Variants in DSCAM observed in about 807,000 individuals in gnomAD.
DSCAM encodes the protein DS cell adhesion molecule.
DSCAM carries 47 observed loss-of-function variants against 217.7 expected under a neutral mutation model. The observed-to-expected ratio is 0.22, with a 90% CI of 0.17 to 0.28. The LOEUF (loss-of-function observed/expected upper bound fraction) is 0.28, where lower values mean the gene tolerates loss of function less well. Among genes scored for constraint, DSCAM ranks in the 10% least tolerant of loss-of-function variants. The pLI, the probability that DSCAM is intolerant of heterozygous loss-of-function variation, is 1.00. For missense variants in DSCAM, 2,080 were observed against 2,618.3 expected (o/e 0.79, Z 4.49); for synonymous variants, 1,056 against 1,015.3 (o/e 1.04, Z -0.76).
At chr21:40,108,303 CT>C (rs1470787314) in intron 20 of DSCAM, among the ~76,000 whole-genome samples, 1 of 152,154 alleles carries the variant, frequency 6.6e-6, no homozygotes, top group African/African-American at 2.4e-5. Flanking sequence ...TGATAAACAA[CT>C]TCAGTAAAGT....
intron 3 of DSCAM, among the ~76,000 whole-genome samples, chr21:40,387,102 A>G (rs1262119398): frequency 2.0e-5 from 3 of 152,338 alleles, no homozygotes; most frequent in African/African-American, 7.2e-5. Flanking sequence ...GACAAGCTGC[A>G]TAAATCTAAC....
At chr21:40,042,752 G>C in intron 31 of DSCAM, 79 bp from the exon 32 acceptor site, 1 of 1,397,692 alleles carries the variant, frequency 7.2e-7, no homozygotes, top group Non-Finnish European at 9.6e-7. Context: ...TTCCTGGCTT[G>C]GGGCTGTTTT....
chr21:40,287,446 G>A (rs192323351), intron 10 of DSCAM, among the ~76,000 whole-genome samples: 1 of 152,284 alleles, frequency 6.6e-6, no homozygotes, highest in East Asian at 1.9e-4. Flanking sequence ...ATGTCCCCTG[G>A]ACATTGGGAG....
At chr21:40,031,942 GACCCCTGGTCTCCAGCCTCCAACCTT>G (rs1337588685) in intron 32 of DSCAM, among the ~76,000 whole-genome samples, 1 of 152,098 alleles carries the variant, frequency 6.6e-6, no homozygotes, top group African/African-American at 2.4e-5. Context: ...TCCTTGCCTT[GACCCCTGGTCTCCAGCCTCCAACCTT>G]GCCCCTAGTC....
chr21:40,698,319 C>T (rs1035561993), intron 2 of DSCAM, among the ~76,000 whole-genome samples: 17 of 152,088 alleles, frequency 1.1e-4, no homozygotes, highest in African/African-American at 3.6e-4. Flanking sequence ...GATAAGCAAA[C>T]AGAATGTAGA....
In DSCAM at chr21:40,167,627, G is replaced by A. The variant is rs530916934; in HGVS notation, c.2948-339C>T. ...TCCCTTATGAAATGCTGTCTATGGT[G>A]TGTATTGAAGGTCCTTCTCTCCCCG... On this transcript the variant is annotated intron_variant, in intron 15 of 32. Transcript: ENST00000400454. 3.5e-4 allele frequency among the ~76,000 whole-genome samples: 54 copies of A among 152,304 alleles called. 1 individual carries two copies. Among genetic ancestry groups the A allele is most frequent in the Non-Finnish European group, 7.1e-4 (48 of 68,020 alleles).
chr21:40,395,079 A>G (rs991108800), intron 3 of DSCAM, among the ~76,000 whole-genome samples: 5 of 152,222 alleles, frequency 3.3e-5, no homozygotes, highest in Non-Finnish European at 7.3e-5. Context: ...GACGAAAAAC[A>G]TTGGCAAGAT....
In DSCAM at chr21:40,589,122, TCAA is replaced by T. The variant is rs1300766938; in HGVS notation, c.508+103685_508+103687del. On this transcript the variant is annotated intron_variant, in intron 3 of 32. Coordinates refer to ENST00000400454, the MANE Select transcript of DSCAM (RefSeq NM_001389.5). ...ACTATTATTCACAACGAAATTGCAA[TCAA>T]CAAGTCACTTTTTTCTCATGGGGAA... Among the ~76,000 whole-genome samples the T allele has an allele frequency of 2.5e-5, 3 of 120,574 alleles. No homozygotes were observed. In the East Asian group the frequency reaches 7.2e-4, roughly 29 times the overall value. The allele number at this position is 120,574 out of a possible 152,430, so 79.1% of individuals were successfully genotyped here.
chr21:40,017,827 C>T (rs1198774647), intron 32 of DSCAM, among the ~76,000 whole-genome samples: 2 of 152,218 alleles, frequency 1.3e-5, no homozygotes, highest in African/African-American at 2.4e-5. Context: ...GTTGGGATTA[C>T]AGGCGTGAGC....
intron 3 of DSCAM, among the ~76,000 whole-genome samples, chr21:40,407,285 TTTTA>T (rs1272597737): frequency 2.6e-5 from 4 of 152,210 alleles, no homozygotes; most frequent in African/African-American, 9.6e-5. Context: ...TATATACAAT[TTTTA>T]TGTGTCCACT....
intron 1 of DSCAM, among the ~76,000 whole-genome samples, chr21:40,834,426 A>T (rs867827688): frequency 5.7e-5 from 8 of 141,518 alleles, no homozygotes; most frequent in African/African-American, 1.6e-4. Context: ...AATAATAATA[A>T]AATAATAATA....
intron 3 of DSCAM, among the ~76,000 whole-genome samples, chr21:40,496,554 G>T (rs923858864): frequency 2.4e-4 from 36 of 152,006 alleles, no homozygotes; most frequent in African/African-American, 8.7e-4. Flanking sequence ...CATAAGACTT[G>T]AAGTAAATAC....
chr21:40,446,869 GGA>G (rs1381564427), intron 3 of DSCAM, among the ~76,000 whole-genome samples: 1 of 152,144 alleles, frequency 6.6e-6, no homozygotes. Context: ...GTCCTGTTGG[GGA>G]AATACTAATG....
chr21:40,269,633 G>A lies in DSCAM; in HGVS notation c.2356+6464C>T, dbSNP rs369511819. 7.9e-5 allele frequency among the ~76,000 whole-genome samples: 12 copies of A among 152,264 alleles called. 1 individual carries two copies. In the East Asian group the frequency reaches 1.9e-3, roughly 25 times the overall value. On this transcript the variant is annotated intron_variant, in intron 11 of 32. Coordinates refer to ENST00000400454, the MANE Select transcript of DSCAM (RefSeq NM_001389.5). ...CCATAAGTCCAAAATGAAAGTTCTG[G>A]CAGGGCTGGAGTCCCTCTGAAGTTT...
intron 2 of DSCAM, among the ~76,000 whole-genome samples, chr21:40,704,600 A>G (rs1467350246): frequency 6.6e-6 from 1 of 151,948 alleles, no homozygotes; most frequent in Non-Finnish European, 1.5e-5. Context: ...TTATGCCTGT[A>G]GCCGCAGCTA....
chr21:40,027,236 C>T (rs1376914992), intron 32 of DSCAM, among the ~76,000 whole-genome samples: 9 of 152,282 alleles, frequency 5.9e-5, no homozygotes, highest in African/African-American at 1.4e-4. Flanking sequence ...GGGTTTCTGC[C>T]GAGAGATCCA....
At chr21:40,722,146 A>T (rs1353473152) in intron 1 of DSCAM, among the ~76,000 whole-genome samples, 1 of 152,156 alleles carries the variant, frequency 6.6e-6, no homozygotes, top group African/African-American at 2.4e-5. Context: ...CATTGTCAGT[A>T]GACTAGCAAT....
At chr21:40,184,073 G>C (rs1568987871) in intron 14 of DSCAM, among the ~76,000 whole-genome samples, 1 of 152,268 alleles carries the variant, frequency 6.6e-6, no homozygotes, top group East Asian at 1.9e-4. Flanking sequence ...ATAGTCACAA[G>C]CCCACCAAGT....
At chr21:40,341,817 G>A (rs557637155) in intron 6 of DSCAM, among the ~76,000 whole-genome samples, 12 of 152,274 alleles carry the variant, frequency 7.9e-5, no homozygotes, top group African/African-American at 2.2e-4. Context: ...TCCATTGACC[G>A]CTAATATCCC....
Sources: gnomAD v4.1 joint callset for allele counts (sites outside exome capture counted in the v4.1 genomes callset) on GRCh38, gnomAD v4.1.1 for gene constraint, MANE v1.5 for transcripts, NCBI Gene and HGNC (gene_info 2026-07-23, HGNC 2026-07-21) for gene names.